Variants in FCHSD2 observed in about 807,000 individuals in gnomAD.
FCHSD2 encodes the protein F-BAR and double SH3 domains protein 2.
A neutral mutation model predicts 108.1 loss-of-function variants in FCHSD2; 38 were observed. The observed-to-expected ratio is 0.35, with a 90% CI of 0.27 to 0.46. The LOEUF is 0.46. Among genes scored for constraint, FCHSD2 ranks in the 20% least tolerant of loss-of-function variants. The pLI, the probability that FCHSD2 is intolerant of heterozygous loss-of-function variation, is 1.00. For missense variants in FCHSD2, 751 were observed against 897.8 expected (o/e 0.84, Z 2.09); for synonymous variants, 279 against 314.7 (o/e 0.89, Z 1.20).
At chr11:72,966,482 T>A (rs1036351524) in intron 8 of FCHSD2, among the ~76,000 whole-genome samples, 1 of 152,090 alleles carries the variant, frequency 6.6e-6, no homozygotes, top group Non-Finnish European at 1.5e-5. Flanking sequence ...ATTACTTTGT[T>A]ATACTAATAC....
chr11:72,993,586 T>C (rs2135409648), intron 5 of FCHSD2, among the ~76,000 whole-genome samples: 1 of 152,130 alleles, frequency 6.6e-6, no homozygotes, highest in East Asian at 1.9e-4. Context: ...GCCATAAAAA[T>C]GATGAGTTCA....
intron 5 of FCHSD2, among the ~76,000 whole-genome samples, chr11:73,000,532 T>C (rs914126713): frequency 3.9e-5 from 6 of 152,218 alleles, no homozygotes; most frequent in Non-Finnish European, 8.8e-5. Context: ...TCCATCAGGT[T>C]TTTTAAAGTA....
chr11:73,078,023 G>T (rs1207862935), intron 3 of FCHSD2, among the ~76,000 whole-genome samples: 2 of 152,118 alleles, frequency 1.3e-5, no homozygotes, highest in East Asian at 3.9e-4. Context: ...TTCTTTACCT[G>T]GGTGCTAGTT....
intron 12 of FCHSD2, among the ~76,000 whole-genome samples, chr11:72,880,055 C>T (rs539757430): frequency 1.2e-5 from 1 of 86,552 alleles, no homozygotes; most frequent in South Asian, 4.8e-4. Context: ...CCAAACCAAA[C>T]CAAAACAAGA....
At chr11:73,120,076 A>C (rs1228916938) in intron 2 of FCHSD2, among the ~76,000 whole-genome samples, 1 of 152,124 alleles carries the variant, frequency 6.6e-6, no homozygotes, top group Non-Finnish European at 1.5e-5. Context: ...AAACCATCAG[A>C]TCTCATGAGA....
chr11:73,023,461 G>A (rs750916416), intron 3 of FCHSD2, among the ~76,000 whole-genome samples: 6 of 152,076 alleles, frequency 3.9e-5, no homozygotes, highest in East Asian at 1.9e-4. Context: ...TTGTCATTAC[G>A]GAAATGCAAA....
At chr11:72,884,896 A>T (rs986630664) in intron 12 of FCHSD2, among the ~76,000 whole-genome samples, 4 of 152,180 alleles carry the variant, frequency 2.6e-5, no homozygotes, top group Non-Finnish European at 4.4e-5. Flanking sequence ...CACCTGGCCT[A>T]AAAATTTTGT....
intron 8 of FCHSD2, among the ~76,000 whole-genome samples, chr11:72,967,234 G>A (rs1346525509): frequency 6.6e-6 from 1 of 151,522 alleles, no homozygotes; most frequent in Non-Finnish European, 1.5e-5. Context: ...AAGTAAATGA[G>A]GATAGTGAAG....
At chr11:73,033,705 A>G (rs992614955) in intron 3 of FCHSD2, among the ~76,000 whole-genome samples, 1 of 152,230 alleles carries the variant, frequency 6.6e-6, no homozygotes. Flanking sequence ...GTTATTGGCA[A>G]TAGTAAAAAG....
At chr11:73,024,805 AC>A (rs1301703924) in intron 3 of FCHSD2, among the ~76,000 whole-genome samples, 5 of 152,284 alleles carry the variant, frequency 3.3e-5, no homozygotes, top group African/African-American at 9.6e-5. Context: ...GAAAAAAACA[AC>A]AATCCCATTA....
chr11:72,935,898 C>G (rs1365971697), intron 8 of FCHSD2, among the ~76,000 whole-genome samples: 2 of 152,192 alleles, frequency 1.3e-5, no homozygotes, highest in Non-Finnish European at 2.9e-5. Flanking sequence ...GTGTTATCCT[C>G]TTGCATTACT....
Position 72,867,860 on chromosome 11 carries a change from C to A in FCHSD2, c.1308+5G>T. ...ACTTGTCATATCCAAGAAAAGAAAT[C>A]GTACCGAGTGTAAAGTGCCATTACT... is the stretch of plus-strand genomic sequence containing the variant. On this transcript the variant is annotated splice_donor_5th_base_variant and intron_variant, in intron 13 of 19. Transcript: ENST00000409418. The A allele has an allele frequency of 6.2e-7, 1 of 1,609,822 alleles. No homozygotes were observed.
At chr11:72,889,704 C>T (rs1855274445) in intron 11 of FCHSD2, 125 bp downstream of exon 11, 1 of 626,784 alleles carries the variant, frequency 1.6e-6, no homozygotes, top group South Asian at 2.0e-5. Context: ...CAGAGCAAGC[C>T]TCTTGTCTCA....
chr11:73,016,455 A>G (rs1384437220), intron 3 of FCHSD2, among the ~76,000 whole-genome samples: 2 of 152,206 alleles, frequency 1.3e-5, no homozygotes, highest in African/African-American at 4.8e-5. Flanking sequence ...GTATAAGGAT[A>G]AGAAAGTTGA....
At chr11:72,889,983 A>T (rs770733780) in intron 10 of FCHSD2, 38 bp from the exon 11 acceptor site, 1 of 1,308,782 alleles carries the variant, frequency 7.6e-7, no homozygotes, top group Non-Finnish European at 1.1e-6. Context: ...AAATATTGCT[A>T]TCCTTATTGT....
intron 8 of FCHSD2, among the ~76,000 whole-genome samples, chr11:72,958,886 T>G (rs1285949432): frequency 6.6e-6 from 1 of 152,212 alleles, no homozygotes; most frequent in Admixed American, 6.5e-5. Context: ...CAAAACAACT[T>G]ACCCATTTCC....
intron 8 of FCHSD2, among the ~76,000 whole-genome samples, chr11:72,952,526 T>C (rs969792675): frequency 3.9e-5 from 6 of 152,172 alleles, no homozygotes; most frequent in Admixed American, 1.3e-4. Flanking sequence ...GGTTTCACCA[T>C]GTTGGCCAGG....
intron 2 of FCHSD2, among the ~76,000 whole-genome samples, chr11:73,113,058 G>A (rs538255842): frequency 5.9e-4 from 90 of 152,102 alleles, no homozygotes; most frequent in Middle Eastern, 3.4e-3. Context: ...TTTCCAAAGA[G>A]TTTATCTTCA....
At chr11:73,072,628 C>G (rs1164274846) in intron 3 of FCHSD2, among the ~76,000 whole-genome samples, 1 of 151,980 alleles carries the variant, frequency 6.6e-6, no homozygotes, top group Non-Finnish European at 1.5e-5. Context: ...TCAATTTTGC[C>G]CTGGTGGACG....
Sources: allele counts gnomAD v4.1 joint callset (sites outside exome capture counted in the v4.1 genomes callset), GRCh38; gene constraint gnomAD v4.1.1; transcripts MANE v1.5; gene names NCBI Gene and HGNC (gene_info 2026-07-23, HGNC 2026-07-21).